FGF12: variants seen among roughly 807,000 people sequenced by gnomAD.
The protein encoded by FGF12 is fibroblast growth factor 12, also known as fibroblast growth factor 12B.
A neutral mutation model predicts 23.6 loss-of-function variants in FGF12; 14 were observed. The ratio of observed to expected loss-of-function variants is 0.59; its 90% CI spans 0.39 to 0.93. The LOEUF (loss-of-function observed/expected upper bound fraction) is 0.93, where lower values mean the gene tolerates loss of function less well. FGF12 is among the 40% of genes least tolerant of loss of function. The pLI is 0.00. For synonymous variants in FGF12, 62 were observed against 77.3 expected (o/e 0.80, Z 1.04); for missense variants, 175 against 217.8 (o/e 0.80, Z 1.24).
intron 2 of FGF12, among the ~76,000 whole-genome samples, chr3:192,645,181 G>A (rs927282516): frequency 1.8e-4 from 27 of 152,080 alleles, no homozygotes; most frequent in African/African-American, 6.0e-4. Flanking sequence ...CAAAGGCTTC[G>A]TAACAAAGCA....
intron 2 of FGF12, among the ~76,000 whole-genome samples, chr3:192,696,837 T>C (rs955971374): frequency 1.3e-5 from 2 of 152,124 alleles, no homozygotes; most frequent in East Asian, 1.9e-4. Flanking sequence ...TATCATTTTA[T>C]ATAACAAGGC....
chr3:192,473,290 T>A (rs1459664952), intron 2 of FGF12, among the ~76,000 whole-genome samples: 4 of 152,190 alleles, frequency 2.6e-5, no homozygotes, highest in Non-Finnish European at 5.9e-5. Context: ...CACACTGATT[T>A]CCTTGTGCTT....
chr3:192,202,368 A>T (rs1717416806), intron 4 of FGF12, among the ~76,000 whole-genome samples: 1 of 152,196 alleles, frequency 6.6e-6, no homozygotes, highest in South Asian at 2.1e-4. Flanking sequence ...CATGATAGCA[A>T]AATCCAAATA....
chr3:192,252,098 T>G (rs1451995870), intron 4 of FGF12, among the ~76,000 whole-genome samples: 6 of 151,726 alleles, frequency 4.0e-5, no homozygotes, highest in Non-Finnish European at 8.8e-5. Flanking sequence ...AGATTGAGAG[T>G]AACGTGAAGT....
At chr3:192,149,335 T>A (rs1288865974) in intron 5 of FGF12, among the ~76,000 whole-genome samples, 1 of 151,594 alleles carries the variant, frequency 6.6e-6, no homozygotes, top group Non-Finnish European at 1.5e-5. Flanking sequence ...TTATTATACT[T>A]TAAGTTTTAG....
At chr3:192,501,733 C>G (rs1724139034) in intron 2 of FGF12, among the ~76,000 whole-genome samples, 1 of 152,216 alleles carries the variant, frequency 6.6e-6, no homozygotes, top group South Asian at 2.1e-4. Context: ...CTACTCTAAA[C>G]ATAGCAGTCT....
intron 2 of FGF12, among the ~76,000 whole-genome samples, chr3:192,585,421 G>C (rs1279065931): frequency 6.6e-6 from 1 of 152,150 alleles, no homozygotes; most frequent in African/African-American, 2.4e-5. Context: ...TCTCAGTAGA[G>C]ATCATATCCA....
At chr3:192,359,890 A>C (rs1718641266) in intron 3 of FGF12, among the ~76,000 whole-genome samples, 1 of 150,636 alleles carries the variant, frequency 6.6e-6, no homozygotes, top group African/African-American at 2.4e-5. Context: ...TGTAATTATA[A>C]TATTTAAATA....
intron 2 of FGF12, among the ~76,000 whole-genome samples, chr3:192,704,392 GATGAC>G (rs2108732676): frequency 6.6e-6 from 1 of 152,228 alleles, no homozygotes; most frequent in South Asian, 2.1e-4. Flanking sequence ...AGAAGTCTTG[GATGAC>G]CAGGTGCATT....
intron 2 of FGF12, among the ~76,000 whole-genome samples, chr3:192,594,031 T>C (rs1357490729): frequency 6.6e-6 from 1 of 151,976 alleles, no homozygotes; most frequent in Non-Finnish European, 1.5e-5. Context: ...AGTAAAGTTA[T>C]GCAAAAAGAG....
At chr3:192,403,001 C>A (rs1004450482) in intron 2 of FGF12, among the ~76,000 whole-genome samples, 1 of 152,114 alleles carries the variant, frequency 6.6e-6, no homozygotes, top group African/African-American at 2.4e-5. Flanking sequence ...AATCATCATA[C>A]AATCTATAAT....
intron 2 of FGF12, among the ~76,000 whole-genome samples, chr3:192,526,106 T>C (rs148239083): frequency 2.9e-4 from 44 of 152,342 alleles, no homozygotes; most frequent in African/African-American, 1.0e-3. Context: ...CTACATGTTT[T>C]TGCACATGAT....
chr3:192,516,066 C>G lies in FGF12; in HGVS notation c.14-155528G>C, dbSNP rs534758023. Among the ~76,000 whole-genome samples the G allele has an allele frequency of 5.9e-5, 9 of 152,166 alleles. No homozygotes were observed. In the South Asian group the frequency reaches 1.9e-3, roughly 32 times the overall value. ...TGTGACCTTGAACAAATTACTTAAC[C>G]GCTCTGTCCCTCAATTTTCTCATCT... On this transcript the variant is annotated intron_variant, in intron 2 of 5. Coordinates refer to ENST00000445105, the MANE Select transcript of FGF12 (RefSeq NM_004113.6).
intron 2 of FGF12, among the ~76,000 whole-genome samples, chr3:192,591,564 C>A (rs1164655668): frequency 2.0e-5 from 3 of 151,774 alleles, no homozygotes; most frequent in African/African-American, 7.2e-5. Flanking sequence ...CCCATCAAGC[C>A]CTTTACCTCA....
intron 2 of FGF12, among the ~76,000 whole-genome samples, chr3:192,378,034 CTTTCTTTCTTTCTTTCTTT>C (rs1258238319): frequency 1.8e-5 from 1 of 56,172 alleles, no homozygotes; most frequent in Non-Finnish European, 3.1e-5. Flanking sequence ...TCTTTTCTTT[CTTTCTTTCTTTCTTTCTTT>C]CTTTCTTTCT....
chr3:192,310,093 T>G (rs928509390), intron 4 of FGF12, among the ~76,000 whole-genome samples: 1 of 152,134 alleles, frequency 6.6e-6, no homozygotes, highest in African/African-American at 2.4e-5. Context: ...GTAACAGACA[T>G]AAGAATACTG....
chr3:192,610,432 T>C (rs1004363223), intron 2 of FGF12, among the ~76,000 whole-genome samples: 1 of 152,076 alleles, frequency 6.6e-6, no homozygotes, highest in African/African-American at 2.4e-5. Flanking sequence ...TCTTGTTATA[T>C]TGGTCCACAG....
chr3:192,179,120 CAA>C (rs1443668360), intron 4 of FGF12, among the ~76,000 whole-genome samples: 2 of 151,852 alleles, frequency 1.3e-5, no homozygotes, highest in African/African-American at 4.8e-5. Context: ...TCCATCCTGA[CAA>C]GAGGCAAAGA....
intron 4 of FGF12, among the ~76,000 whole-genome samples, chr3:192,278,645 C>T (rs779338794): frequency 5.3e-5 from 8 of 152,008 alleles, no homozygotes; most frequent in Non-Finnish European, 1.0e-4. Flanking sequence ...TAAGAGGAAA[C>T]GAGGCTTTAA....
Sources: allele counts gnomAD v4.1 joint callset (sites outside exome capture counted in the v4.1 genomes callset), GRCh38; gene constraint gnomAD v4.1.1; transcripts MANE v1.5; gene names NCBI Gene and HGNC (gene_info 2026-07-23, HGNC 2026-07-21).